The following PCCA variants were observed in gnomAD, a reference collection of about 807,000 sequenced individuals.
PCCA encodes propionyl-CoA carboxylase subunit alpha.
In PCCA, 74 loss-of-function variants were observed where a neutral mutation model predicts 101.3. The ratio of observed to expected loss-of-function variants is 0.73; its 90% CI spans 0.61 to 0.89. PCCA has a LOEUF of 0.89. Among genes scored for constraint, PCCA ranks in the 40% least tolerant of loss-of-function variants. The probability of loss-of-function intolerance (pLI) is 0.00; values close to 1 mark genes in which losing one functional copy is unlikely to be tolerated. For synonymous variants in PCCA, 294 were observed against 313.6 expected (o/e 0.94, Z 0.66); for missense variants, 891 against 907.0 (o/e 0.98, Z 0.23).
intron 6 of PCCA, among the ~76,000 whole-genome samples, chr13:100,186,124 T>C (rs2057245640): frequency 6.6e-6 from 1 of 152,230 alleles, no homozygotes; most frequent in Non-Finnish European, 1.5e-5. Context: ...TTTTTCAGCA[T>C]TGGTTCATCA....
chr13:100,380,634 A>G (rs1043780841), intron 19 of PCCA, among the ~76,000 whole-genome samples: 7 of 152,352 alleles, frequency 4.6e-5, no homozygotes, highest in South Asian at 4.1e-4. Flanking sequence ...GTTCACATGT[A>G]AAGGAATGAA....
Position 100,094,957 on chromosome 13 carries a change from G to C in PCCA, c.105+5732G>C, listed in dbSNP as rs537653380. ...CTGCTGTACAAATGACCATGGACCT[G>C]GTGGCTTAAAACAACAAATTCATTC... On this transcript the variant is annotated intron_variant, in intron 1 of 23. Coordinates refer to ENST00000376285, the MANE Select transcript of PCCA (RefSeq NM_000282.4). Among the ~76,000 whole-genome samples, 6 of 152,286 alleles carry C rather than the reference G, an allele frequency of 3.9e-5. No individual in the cohort carries two copies. The South Asian group carries it at 1.2e-3, about 32-fold the overall frequency.
At chr13:100,454,295 G>C (rs2081559911) in intron 21 of PCCA, among the ~76,000 whole-genome samples, 1 of 152,182 alleles carries the variant, frequency 6.6e-6, no homozygotes, top group Non-Finnish European at 1.5e-5. Flanking sequence ...TACCTAGCAG[G>C]AATGTCAGTT....
chr13:100,336,950 CCTT>C (rs1179929429), intron 17 of PCCA, among the ~76,000 whole-genome samples: 1 of 152,164 alleles, frequency 6.6e-6, no homozygotes, highest in Non-Finnish European at 1.5e-5. Context: ...AGCTCTCAGT[CCTT>C]CTGCCTCCTC....
chr13:100,295,424 A>G (rs1466857784), intron 12 of PCCA, among the ~76,000 whole-genome samples: 1 of 152,228 alleles, frequency 6.6e-6, no homozygotes. Flanking sequence ...ATAGCTTTCG[A>G]AAAAACAAGT....
At chr13:100,262,218 C>A (rs1042410110) in intron 9 of PCCA, among the ~76,000 whole-genome samples, 4 of 151,964 alleles carry the variant, frequency 2.6e-5, no homozygotes, top group African/African-American at 9.7e-5. Flanking sequence ...CGTGTTGAAA[C>A]CCTGTCTCTA....
chr13:100,315,356 T>C (rs1333065701), intron 16 of PCCA, among the ~76,000 whole-genome samples: 1 of 152,072 alleles, frequency 6.6e-6, no homozygotes, highest in Non-Finnish European at 1.5e-5. Flanking sequence ...TCCACTAATA[T>C]TTAAAGAATA....
intron 12 of PCCA, among the ~76,000 whole-genome samples, chr13:100,288,363 C>T (rs935125444): frequency 3.9e-5 from 6 of 152,162 alleles, no homozygotes; most frequent in African/African-American, 1.4e-4. Context: ...GTGGTGAGAT[C>T]CTAGCTCATT....
At chr13:100,186,499 TG>T (rs1264851220) in intron 6 of PCCA, among the ~76,000 whole-genome samples, 26 of 152,194 alleles carry the variant, frequency 1.7e-4, no homozygotes, top group Middle Eastern at 6.8e-3. Context: ...TCCAGCACTC[TG>T]GGAGGTTGAG....
At chr13:100,443,721 A>C (rs1372368968) in intron 20 of PCCA, among the ~76,000 whole-genome samples, 2 of 151,788 alleles carry the variant, frequency 1.3e-5, no homozygotes, top group Admixed American at 6.6e-5. Context: ...TAGCCAAATT[A>C]CTTTTTGTAT....
intron 4 of PCCA, among the ~76,000 whole-genome samples, chr13:100,152,851 A>G (rs1175040001): frequency 6.6e-6 from 1 of 152,238 alleles, no homozygotes; most frequent in South Asian, 2.1e-4. Flanking sequence ...TATCATTACG[A>G]AAGTGTATTT....
At chr13:100,251,339 T>G (rs2061741763) in intron 8 of PCCA, among the ~76,000 whole-genome samples, 1 of 152,240 alleles carries the variant, frequency 6.6e-6, no homozygotes, top group South Asian at 2.1e-4. Flanking sequence ...GTCTGAATGT[T>G]CATTCACAGT....
chr13:100,154,669 A>G, intron 4 of PCCA: 3 of 351,768 alleles, frequency 8.5e-6, no homozygotes, highest in South Asian at 7.1e-5. Flanking sequence ...AGTTTTTGAT[A>G]TCAAATTTAT....
At chr13:100,399,641 AG>A (rs1447662539) in intron 19 of PCCA, among the ~76,000 whole-genome samples, 1 of 152,258 alleles carries the variant, frequency 6.6e-6, no homozygotes, top group Non-Finnish European at 1.5e-5. Context: ...CAGTCTTATC[AG>A]AAAGCAAAGG....
chr13:100,119,560 C>A (rs1048774884), intron 4 of PCCA, among the ~76,000 whole-genome samples: 17 of 152,144 alleles, frequency 1.1e-4, no homozygotes, highest in Non-Finnish European at 4.4e-5. Context: ...CAGATACACA[C>A]CTGTTGAATA....
At chr13:100,284,490 A>G (rs1321744539) in intron 12 of PCCA, among the ~76,000 whole-genome samples, 2 of 152,328 alleles carry the variant, frequency 1.3e-5, no homozygotes, top group South Asian at 2.1e-4. Context: ...CTCATAAAGG[A>G]TTACAGAATA....
At chr13:100,421,767 C>T (rs2078778094) in intron 19 of PCCA, among the ~76,000 whole-genome samples, 1 of 151,928 alleles carries the variant, frequency 6.6e-6, no homozygotes, top group Non-Finnish European at 1.5e-5. Flanking sequence ...TCACTGCAAC[C>T]TCTGCCTCCC....
At chr13:100,310,096 A>G (rs1276678649) in intron 16 of PCCA, among the ~76,000 whole-genome samples, 188 bp downstream of exon 16, 1 of 152,190 alleles carries the variant, frequency 6.6e-6, no homozygotes, top group Non-Finnish European at 1.5e-5. Flanking sequence ...TTTTAAGCAA[A>G]TGCATATTTT....
intron 6 of PCCA, among the ~76,000 whole-genome samples, chr13:100,184,752 CAT>C (rs2057099025): frequency 6.6e-6 from 1 of 152,168 alleles, no homozygotes; most frequent in African/African-American, 2.4e-5. Flanking sequence ...GTAATTTTAA[CAT>C]GTCACGAAGT....
Sources: allele counts gnomAD v4.1 joint callset (sites outside exome capture counted in the v4.1 genomes callset), GRCh38; gene constraint gnomAD v4.1.1; transcripts MANE v1.5; gene names NCBI Gene and HGNC (gene_info 2026-07-23, HGNC 2026-07-21).